Variants in PXYLP1 observed in about 807,000 individuals in gnomAD.
The protein encoded by PXYLP1 is acid phosphatase-like 2.
Under a neutral mutation model 37.9 loss-of-function variants are expected in PXYLP1, and 17 were observed. The ratio of observed to expected loss-of-function variants is 0.45; its 90% confidence interval spans 0.31 to 0.67. The LOEUF (loss-of-function observed/expected upper bound fraction) is 0.67, where lower values mean the gene tolerates loss of function less well. PXYLP1 is among the 30% of genes least tolerant of loss of function. The probability of loss-of-function intolerance (pLI) is 0.07; values close to 1 mark genes in which losing one functional copy is unlikely to be tolerated. For synonymous variants in PXYLP1, 221 were observed against 232.2 expected (o/e 0.95, Z 0.44); for missense variants, 511 against 612.0 (o/e 0.84, Z 1.74).
intron 2 of PXYLP1, among the ~76,000 whole-genome samples, chr3:141,264,959 G>T (rs1006908192): frequency 6.6e-6 from 1 of 152,258 alleles, no homozygotes; most frequent in Non-Finnish European, 1.5e-5. Flanking sequence ...AGAGTAGTAT[G>T]AGAGACTAGA....
chr3:141,271,358 T>A (rs760142521), intron 2 of PXYLP1, among the ~76,000 whole-genome samples: 2 of 152,068 alleles, frequency 1.3e-5, no homozygotes, highest in Non-Finnish European at 2.9e-5. Context: ...CAGATGTCAG[T>A]GGAGTTCCAA....
chr3:141,270,994 G>A (rs1478542385), intron 2 of PXYLP1, among the ~76,000 whole-genome samples: 3 of 152,138 alleles, frequency 2.0e-5, no homozygotes, highest in African/African-American at 2.4e-5. Context: ...GAGCTCAAGC[G>A]ATCCTCCTGC....
At chr3:141,287,120 A>T (rs1942094717) in intron 4 of PXYLP1, among the ~76,000 whole-genome samples, 194 bp from the exon 5 acceptor site, 2 of 152,222 alleles carry the variant, frequency 1.3e-5, no homozygotes, top group South Asian at 4.1e-4. Context: ...GGCCAACCTC[A>T]CAGAGGGGAT....
intron 1 of PXYLP1, among the ~76,000 whole-genome samples, chr3:141,257,755 A>C (rs2148742045): frequency 6.6e-6 from 1 of 152,124 alleles, no homozygotes; most frequent in East Asian, 1.9e-4. Context: ...TACAAAAATT[A>C]GTCGGGTGTG....
chr3:141,277,101 T>A (rs62281968), intron 2 of PXYLP1, among the ~76,000 whole-genome samples: 4,762 of 152,318 alleles, frequency 0.031, 105 homozygotes, highest in Middle Eastern at 0.075. Flanking sequence ...TTAGGTTAGT[T>A]GCAAATATTT....
chr3:141,258,142 G>A (rs924267100), intron 1 of PXYLP1, among the ~76,000 whole-genome samples: 2 of 152,094 alleles, frequency 1.3e-5, no homozygotes, highest in African/African-American at 2.4e-5. Context: ...CAGGCAGGTC[G>A]GCCTCTGAGG....
chr3:141,272,849 G>A (rs1165720333), intron 2 of PXYLP1: 2 of 405,520 alleles, frequency 4.9e-6, no homozygotes, highest in Non-Finnish European at 6.7e-6. Context: ...CAGATTGAGG[G>A]TGGGTCTGCC....
chr3:141,278,457 T>G lies in PXYLP1; in HGVS notation c.195T>G (p.Leu65=). 1.9e-6 allele frequency: 3 copies of G among 1,614,180 alleles called. No homozygotes were observed. The highest frequency in any genetic ancestry group is 2.5e-6 in the Non-Finnish European group (3 of 1,180,028). Residue 65 remains leucine (L), a synonymous_variant, in exon 3 of 6, where the codon CTT becomes CTG. Transcript: ENST00000286353. ...PPVTDPVYEA[L]LYCNIPSVAE... ...TGACAGACCCCGTTTATGAAGCTCT[T>G]TTGTACTGCAACATCCCCAGCGTGG...
intron 1 of PXYLP1, among the ~76,000 whole-genome samples, chr3:141,233,283 C>A (rs1940575884): frequency 6.6e-6 from 1 of 152,026 alleles, no homozygotes; most frequent in Non-Finnish European, 1.5e-5. Context: ...GCCTGACCAA[C>A]ATAAAAACCC....
intron 1 of PXYLP1, among the ~76,000 whole-genome samples, chr3:141,245,514 T>G (rs938450606): frequency 1.3e-5 from 2 of 152,376 alleles, no homozygotes; most frequent in East Asian, 1.9e-4. Context: ...CTCTGTTCAT[T>G]GCATTCTCTC....
At chr3:141,260,857 G>C (rs1014571938) in intron 2 of PXYLP1, among the ~76,000 whole-genome samples, 3 of 152,230 alleles carry the variant, frequency 2.0e-5, no homozygotes, top group East Asian at 1.9e-4. Context: ...CTCAGACACA[G>C]ATCTGGCCCC....
chr3:141,232,994 G>A (rs1323614088), intron 1 of PXYLP1, among the ~76,000 whole-genome samples: 1 of 151,994 alleles, frequency 6.6e-6, no homozygotes, highest in East Asian at 1.9e-4. Context: ...GGATCGGAGA[G>A]TGCTCCACAA....
chr3:141,235,300 T>C (rs1416471070), intron 1 of PXYLP1: 1 of 152,192 alleles, frequency 6.6e-6, no homozygotes, highest in Non-Finnish European at 1.5e-5. Context: ...TGTTTGAAGT[T>C]TTTGAATGAG....
At chr3:141,268,168 G>GGAGAGA (rs142785821) in intron 2 of PXYLP1, among the ~76,000 whole-genome samples, 373 of 129,658 alleles carry the variant, frequency 2.9e-3, no homozygotes, top group Non-Finnish European at 4.5e-3. Flanking sequence ...GGTGGGTGGG[G>GGAGAGA]GAGAGAGAGA....
intron 1 of PXYLP1, among the ~76,000 whole-genome samples, chr3:141,254,445 G>A (rs1488906440): frequency 6.6e-6 from 1 of 152,200 alleles, no homozygotes; most frequent in Admixed American, 6.5e-5. Context: ...TTAGAAATGA[G>A]CCTGCAAATT....
At chr3:141,246,677 C>T (rs1940966510) in intron 1 of PXYLP1, among the ~76,000 whole-genome samples, 1 of 152,166 alleles carries the variant, frequency 6.6e-6, no homozygotes, top group South Asian at 2.1e-4. Flanking sequence ...TGCTCTGGAC[C>T]AGGCAGTGTT....
chr3:141,272,299 G>T (rs1359371858), intron 2 of PXYLP1, among the ~76,000 whole-genome samples: 1 of 152,138 alleles, frequency 6.6e-6, no homozygotes, highest in African/African-American at 2.4e-5. Context: ...AGGTTCAAAG[G>T]CTAGACAGGG....
In PXYLP1 at chr3:141,293,582, A is replaced by T; in HGVS notation, c.*377A>T. Reference sequence around the variant, plus strand: ...AACCAAAATTTTTTTAATCTTAGACATTTTTACCTTGTCCTTGTTAAGAAT... The same window carrying T: ...AACCAAAATTTTTTTAATCTTAGACTTTTTTACCTTGTCCTTGTTAAGAAT... On this transcript the variant is annotated 3_prime_UTR_variant, in exon 6 of 6. Transcript: ENST00000286353. The T allele has an allele frequency of 5.4e-6, 1 of 184,358 alleles. No individual in the cohort carries two copies. Among genetic ancestry groups the T allele is most frequent in the Admixed American group, 5.4e-5 (1 of 18,474 alleles). The allele number at this position is 184,358 out of a possible 1,614,324, so 11.4% of individuals were successfully genotyped here.
At position 141,293,328 on chromosome 3, in the gene PXYLP1, G is replaced by A; in HGVS notation, c.*123G>A. ...GCTTTTTAAAGGCTAAATATTGTTTGTGGGAACCACAGATGGTTGGGGTTG... is the reference window on the plus strand; with the variant it reads ...GCTTTTTAAAGGCTAAATATTGTTTATGGGAACCACAGATGGTTGGGGTTG... On this transcript the variant is annotated 3_prime_UTR_variant, in exon 6 of 6. Coordinates refer to ENST00000286353, the MANE Select transcript of PXYLP1 (RefSeq NM_001037172.3). 9.6e-7 allele frequency: 1 copy of A among 1,036,658 alleles called. No individual in the cohort carries two copies. The highest frequency in any genetic ancestry group is 1.4e-6 in the Non-Finnish European group (1 of 733,406). The allele number at this position is 1,036,658 out of a possible 1,614,324, so 64.2% of individuals were successfully genotyped here.
Sources: allele counts gnomAD v4.1 joint callset (sites outside exome capture counted in the v4.1 genomes callset), GRCh38; gene constraint gnomAD v4.1.1; transcripts MANE v1.5; gene names NCBI Gene and HGNC (gene_info 2026-07-23, HGNC 2026-07-21).